AFF2: variants seen among roughly 807,000 people sequenced by gnomAD.
AFF2 encodes the protein AF4/FMR2 family member 2.
AFF2 carries 14 observed loss-of-function variants against 76.9 expected under a neutral mutation model. The ratio of observed to expected loss-of-function variants is 0.18; its 90% CI spans 0.12 to 0.28. The LOEUF is 0.28. Ranked by LOEUF, AFF2 falls within the 10% of genes least tolerant of loss-of-function variation. The pLI, the probability that AFF2 is intolerant of heterozygous loss-of-function variation, is 1.00. For missense variants in AFF2, 868 were observed against 1,001.1 expected, an observed-to-expected ratio of 0.87 and a Z score of 1.79; for synonymous variants, 398 against 366.7, an observed-to-expected ratio of 1.09 and a Z score of -0.98.
chrX:148,875,180 A>G (rs782366091), intron 7 of AFF2, among the ~76,000 whole-genome samples: 74 of 112,213 alleles, frequency 6.6e-4, no homozygotes, highest in Non-Finnish European at 1.2e-3. Flanking sequence ...GGGAAAATAT[A>G]TGCCCAGACA....
chrX:148,797,865 T>C (rs1418077879), intron 3 of AFF2, among the ~76,000 whole-genome samples: 2 of 112,194 alleles, frequency 1.8e-5, no homozygotes, highest in Non-Finnish European at 3.8e-5. Flanking sequence ...TTTCTGCCAA[T>C]GTGCCTCATT....
chrX:148,557,736 A>T (rs1227695008), intron 1 of AFF2, among the ~76,000 whole-genome samples: 1 of 112,449 alleles, frequency 8.9e-6, no homozygotes, highest in Non-Finnish European at 1.9e-5. Flanking sequence ...TAAATCTATT[A>T]TCTTTATACA....
chrX:148,698,049 G>T (rs1257552426), intron 3 of AFF2, among the ~76,000 whole-genome samples: 3 of 112,194 alleles, frequency 2.7e-5, no homozygotes, highest in African/African-American at 9.7e-5. Flanking sequence ...ATGTATAATT[G>T]TATTATGGCA....
intron 7 of AFF2, among the ~76,000 whole-genome samples, chrX:148,869,815 C>A (rs1557277172): frequency 9.0e-6 from 1 of 111,624 alleles, no homozygotes. Flanking sequence ...GGCCTCCCTC[C>A]TTGGCTTGTA....
At chrX:148,759,441 A>C (rs1218482362) in intron 3 of AFF2, among the ~76,000 whole-genome samples, 3 of 112,551 alleles carry the variant, frequency 2.7e-5, no homozygotes, top group Non-Finnish European at 5.6e-5. Flanking sequence ...AAGAATGAAG[A>C]GTTGTATTTC....
chrX:148,690,800 C>T (rs1472516666), intron 3 of AFF2, among the ~76,000 whole-genome samples: 1 of 111,976 alleles, frequency 8.9e-6, no homozygotes, highest in Admixed American at 9.5e-5. Context: ...GTGGCTTAAA[C>T]AACAGAAATT....
intron 3 of AFF2, among the ~76,000 whole-genome samples, chrX:148,683,488 G>T (rs1009820295): frequency 8.9e-6 from 1 of 112,202 alleles, no homozygotes; most frequent in Non-Finnish European, 1.9e-5. Context: ...AGTTGTCCAT[G>T]TGGATGTTTC....
intron 4 of AFF2, among the ~76,000 whole-genome samples, chrX:148,836,764 A>G (rs1314267131): frequency 9.0e-6 from 1 of 111,606 alleles, no homozygotes; most frequent in Non-Finnish European, 1.9e-5. Flanking sequence ...GACTCAAGTA[A>G]GATTTGAACA....
intron 20 of AFF2, 87 bp from the exon 21 acceptor site, chrX:148,991,124 G>T: frequency 1.1e-6 from 1 of 924,138 alleles, no homozygotes. Context: ...ATGTGGTTGT[G>T]GTGTTGTGTG....
At chrX:148,704,507 T>C in intron 3 of AFF2, among the ~76,000 whole-genome samples, 1 of 99,224 alleles carries the variant, frequency 1.0e-5, no homozygotes, top group Non-Finnish European at 2.0e-5. Context: ...TATATGTGTA[T>C]ATATATATTT....
intron 1 of AFF2, among the ~76,000 whole-genome samples, chrX:148,516,976 C>G (rs1192526176): frequency 1.8e-5 from 2 of 111,837 alleles, no homozygotes; most frequent in Non-Finnish European, 3.8e-5. Flanking sequence ...GGTAGCCGAG[C>G]ACCAGCTTTG....
intron 7 of AFF2, among the ~76,000 whole-genome samples, chrX:148,867,736 T>C (rs2070924539): frequency 9.0e-6 from 1 of 111,541 alleles, no homozygotes; most frequent in African/African-American, 3.3e-5. Flanking sequence ...TTCATACCTG[T>C]CCATACTTGC....
intron 1 of AFF2, among the ~76,000 whole-genome samples, chrX:148,546,053 T>C (rs1007907459): frequency 5.3e-5 from 6 of 112,349 alleles, no homozygotes; most frequent in African/African-American, 1.9e-4. Context: ...ATAGTAGTAA[T>C]AGCACTGCTA....
chrX:148,941,278 C>T (rs782174561), intron 9 of AFF2, among the ~76,000 whole-genome samples: 1 of 111,765 alleles, frequency 8.9e-6, no homozygotes, highest in South Asian at 3.8e-4. Context: ...GGAGATTTAA[C>T]TCTGCCTTTT....
intron 9 of AFF2, among the ~76,000 whole-genome samples, chrX:148,941,720 T>C (rs1203752506): frequency 2.4e-4 from 17 of 70,805 alleles, no homozygotes; most frequent in African/African-American, 6.4e-4. Context: ...CCAGCATCCA[T>C]AGAGGCAGTT....
Position 148,987,541 on chromosome X carries a change from G to A in AFF2, c.3798G>A (p.Leu1266=). The change falls in exon 20 of 21, where the codon CTG becomes CTA. Residue 1266 remains leucine (L), a synonymous_variant. Transcript: ENST00000370460. ...AACACTGGGATATGGCCGACAAACT[G>A]ACAAGAGAAAACAAAGGTATGCTCA... is the stretch of plus-strand genomic sequence containing the variant. ...GYEHWDMADK[L]TRENKEFFGD... 8.3e-7 allele frequency: 1 copy of A among 1,209,830 alleles called. No individual in the cohort carries two copies. The highest frequency in any genetic ancestry group is 1.1e-6 in the Non-Finnish European group (1 of 894,236).
At chrX:148,973,449 A>G in intron 15 of AFF2, 22 bp from the exon 16 acceptor site, 1 of 1,210,093 alleles carries the variant, frequency 8.3e-7, no homozygotes, top group Non-Finnish European at 1.1e-6. Flanking sequence ...TATTATCTTG[A>G]CGAGTCATCT....
At chrX:148,945,541 A>C (rs2071890534) in intron 9 of AFF2, among the ~76,000 whole-genome samples, 1 of 111,879 alleles carries the variant, frequency 8.9e-6, no homozygotes, top group Admixed American at 9.4e-5. Context: ...GTCCACTGGG[A>C]GTTATCTGCA....
intron 1 of AFF2, among the ~76,000 whole-genome samples, chrX:148,528,076 G>C (rs782719294): frequency 2.6e-4 from 29 of 112,257 alleles, no homozygotes; most frequent in Non-Finnish European, 4.9e-4. Flanking sequence ...GATTTCAACT[G>C]TTTTCATATG....
Sources: gnomAD v4.1 joint callset for allele counts (sites outside exome capture counted in the v4.1 genomes callset) on GRCh38, gnomAD v4.1.1 for gene constraint, MANE v1.5 for transcripts, NCBI Gene and HGNC (gene_info 2026-07-23, HGNC 2026-07-21) for gene names.